ARL13B: variants seen among roughly 807,000 people sequenced by gnomAD.
ARL13B encodes ADP-ribosylation factor-like protein 13B.
A neutral mutation model predicts 56.1 loss-of-function variants in ARL13B; 36 were observed. The ratio of observed to expected loss-of-function variants is 0.64; its 90% confidence interval spans 0.49 to 0.85. The LOEUF (loss-of-function observed/expected upper bound fraction) is 0.85, where lower values mean the gene tolerates loss of function less well. ARL13B is among the 40% of genes least tolerant of loss of function. ARL13B has a pLI of 0.00. For synonymous variants in ARL13B, 178 were observed against 171.1 expected, an observed-to-expected ratio of 1.04 and a Z score of -0.32; for missense variants, 519 against 507.1, an observed-to-expected ratio of 1.02 and a Z score of -0.23.
intron 3 of ARL13B, among the ~76,000 whole-genome samples, chr3:94,020,036 A>T (rs1220226867): frequency 1.3e-5 from 2 of 152,110 alleles, no homozygotes; most frequent in Non-Finnish European, 2.9e-5. Flanking sequence ...TCACTATTTA[A>T]CATACCATGT....
chr3:94,033,617 A>T (rs1331177400), intron 3 of ARL13B, among the ~76,000 whole-genome samples: 2 of 152,234 alleles, frequency 1.3e-5, no homozygotes, highest in African/African-American at 2.4e-5. Context: ...AAATAATAGA[A>T]TTAAGTAAAG....
At chr3:94,017,938 A>T (rs1160203177) in intron 3 of ARL13B, among the ~76,000 whole-genome samples, 1 of 152,256 alleles carries the variant, frequency 6.6e-6, no homozygotes, top group Non-Finnish European at 1.5e-5. Flanking sequence ...CATGGACCAC[A>T]TCATAAAGGA....
chr3:94,000,179 A>G (rs1185161635), intron 2 of ARL13B, among the ~76,000 whole-genome samples: 4 of 151,982 alleles, frequency 2.6e-5, no homozygotes, highest in Middle Eastern at 3.2e-3. Flanking sequence ...TCTCTTCCCA[A>G]CTCTATGTTT....
intron 6 of ARL13B, among the ~76,000 whole-genome samples, chr3:94,040,557 T>C (rs995296928): frequency 1.3e-5 from 2 of 152,174 alleles, no homozygotes; most frequent in Admixed American, 6.5e-5. Flanking sequence ...CGCGTCTGTG[T>C]TTTTGTTTTC....
intron 4 of ARL13B, among the ~76,000 whole-genome samples, chr3:94,036,274 G>A (rs2076765854): frequency 6.6e-6 from 1 of 151,984 alleles, no homozygotes; most frequent in South Asian, 2.1e-4. Context: ...TCTTTTTATG[G>A]TAGTTAAATT....
intron 3 of ARL13B, among the ~76,000 whole-genome samples, chr3:94,006,898 G>A (rs542497086): frequency 6.6e-6 from 1 of 152,114 alleles, no homozygotes; most frequent in African/African-American, 2.4e-5. Context: ...AAGATGTTCA[G>A]CAGAACTGTG....
chr3:94,029,352 T>TA (rs1559997955), intron 3 of ARL13B, among the ~76,000 whole-genome samples: 21 of 114,108 alleles, frequency 1.8e-4, no homozygotes, highest in African/African-American at 8.0e-4. Flanking sequence ...TTTTTTTATT[T>TA]TTTTTTTTTT....
chr3:94,014,999 C>T, intron 3 of ARL13B: 1 of 1,614,058 alleles, frequency 6.2e-7, no homozygotes, highest in Non-Finnish European at 8.5e-7. Flanking sequence ...ATGGTAGACT[C>T]TCTCTTAAGT....
chr3:94,040,396 T>G (rs1362890796), intron 6 of ARL13B, among the ~76,000 whole-genome samples: 1 of 152,200 alleles, frequency 6.6e-6, no homozygotes, highest in Admixed American at 6.5e-5. Context: ...ACATAAACAA[T>G]TTTCTATTTT....
chr3:93,988,366 G>A (rs1210785390), intron 1 of ARL13B, among the ~76,000 whole-genome samples: 2 of 152,110 alleles, frequency 1.3e-5, no homozygotes, highest in African/African-American at 4.8e-5. Context: ...GCCCCCATCT[G>A]TGGAATGTTA....
In ARL13B at chr3:94,004,027, A is replaced by G. The variant is rs2076094884; in HGVS notation, c.380+119A>G. The G allele has an allele frequency of 1.3e-5, 19 of 1,445,074 alleles. 1 individual carries two copies. The South Asian group carries it at 1.4e-4, about 11-fold the overall frequency. 89.5% of individuals were successfully genotyped at this position (1,445,074 alleles called of 1,614,324 possible). ...GTCACGCTTTAGTATACTAAAATGT[A>G]TGTAATTAACTGGGAGTTGTTAATT... On this transcript the variant is annotated intron_variant, in intron 3 of 9. Transcript: ENST00000394222.
At chr3:94,004,520 G>T (rs1472488927) in intron 3 of ARL13B, among the ~76,000 whole-genome samples, 2 of 151,994 alleles carry the variant, frequency 1.3e-5, no homozygotes, top group Non-Finnish European at 2.9e-5. Flanking sequence ...TAACCGTGAG[G>T]CATAGCAAAC....
chr3:94,043,290 AACTTAT>A (rs747073025), intron 7 of ARL13B, 50 bp downstream of exon 7: 6 of 1,444,926 alleles, frequency 4.2e-6, no homozygotes, highest in East Asian at 2.5e-5. Flanking sequence ...ATATAAATAA[AACTTAT>A]ACTTCATCTC....
intron 3 of ARL13B, among the ~76,000 whole-genome samples, chr3:94,023,005 G>T (rs571165794): frequency 6.6e-6 from 1 of 151,424 alleles, no homozygotes; most frequent in Non-Finnish European, 1.5e-5. Context: ...TCCTTTCCTG[G>T]AAACTCTAAT....
intron 1 of ARL13B, among the ~76,000 whole-genome samples, chr3:93,991,014 T>C (rs1255144270): frequency 6.6e-6 from 1 of 152,232 alleles, no homozygotes; most frequent in Non-Finnish European, 1.5e-5. Context: ...TAAACTTTCA[T>C]AGTGTCAGAA....
At chr3:94,006,174 A>T (rs2076131491) in intron 3 of ARL13B, among the ~76,000 whole-genome samples, 1 of 152,088 alleles carries the variant, frequency 6.6e-6, no homozygotes, top group Non-Finnish European at 1.5e-5. Flanking sequence ...GCGCGCCTGT[A>T]GTCCCAGCTA....
At chr3:93,995,829 C>A in intron 1 of ARL13B, 45 bp from the exon 2 acceptor site, 1 of 1,527,874 alleles carries the variant, frequency 6.5e-7, no homozygotes, top group South Asian at 1.2e-5. Flanking sequence ...TTCCTCAATA[C>A]TAAATTAACA....
intron 3 of ARL13B, among the ~76,000 whole-genome samples, chr3:94,006,841 C>T (rs2076143846): frequency 6.6e-6 from 1 of 152,066 alleles, no homozygotes; most frequent in Non-Finnish European, 1.5e-5. Flanking sequence ...TAATGCCTGG[C>T]ATATAATAGG....
rs755949394 is a variant in ARL13B at position 94,002,571 on chromosome 3, A to G, written c.131-1088A>G. 2.6e-5 allele frequency among the ~76,000 whole-genome samples: 4 copies of G among 152,340 alleles called. No homozygotes were observed. The East Asian group carries it at 5.8e-4, about 22-fold the overall frequency. ...AAGAAAAAATAGAACAGAAAAATAT[A>G]AAGTTTGAACTTTTCTCTGTAGCCA... On this transcript the variant is annotated intron_variant, in intron 2 of 9. Transcript: ENST00000394222.
Sources: allele counts gnomAD v4.1 joint callset (sites outside exome capture counted in the v4.1 genomes callset), GRCh38; gene constraint gnomAD v4.1.1; transcripts MANE v1.5; gene names NCBI Gene and HGNC (gene_info 2026-07-23, HGNC 2026-07-21).